The following RAD9B variants were observed in gnomAD, a reference collection of about 807,000 sequenced individuals.
The protein encoded by RAD9B is RAD9 checkpoint clamp component B, also known as cell cycle checkpoint control protein RAD9B.
RAD9B carries 41 observed loss-of-function variants against 48.3 expected under a neutral mutation model. The ratio of observed to expected loss-of-function variants is 0.85; its 90% CI spans 0.66 to 1.10. The LOEUF is 1.10. Among genes scored for constraint, RAD9B ranks in the 50% least tolerant of loss-of-function variants. The pLI is 0.00. For synonymous variants in RAD9B, 160 were observed against 157.9 expected (o/e 1.01, Z -0.10); for missense variants, 444 against 485.1 (o/e 0.92, Z 0.80).
At chr12:110,505,514 C>T (rs2063236817) in intron 2 of RAD9B, 103 bp from the exon 3 acceptor site, 1 of 974,352 alleles carries the variant, frequency 1.0e-6, no homozygotes, top group Non-Finnish European at 1.4e-6. Flanking sequence ...CTCCTGGCTT[C>T]CATCCATCCT....
rs796689606 is a variant in RAD9B at position 110,507,347 on chromosome 12, TTA to T, written c.388+663_388+664del. Among the ~76,000 whole-genome samples the T allele has an allele frequency of 6.6e-3, 961 of 145,180 alleles. 2 individuals are homozygous for T. The highest frequency in any genetic ancestry group is 9.4e-3 in the Non-Finnish European group (626 of 66,776). ...AGCTGCTTGATTATATATATGTATA[TTA>T]TATATATAATATGTATTATATATAA... On this transcript the variant is annotated intron_variant, in intron 4 of 10. Transcript: ENST00000409300.
In RAD9B at chr12:110,531,295, C is replaced by G; in HGVS notation, c.*642C>G. 1 of 463,214 alleles carries G rather than the reference C, an allele frequency of 2.2e-6. No homozygotes were observed. Among genetic ancestry groups the G allele is most frequent in the Non-Finnish European group, 3.3e-6 (1 of 304,856 alleles). 28.7% of individuals were successfully genotyped at this position (463,214 alleles called of 1,614,324 possible). Reference sequence around the variant, plus strand: ...GCAACATCTGCCTCCCAGGTCCAAGCGATTCTCCTGCCTCAGCCTCCCGTG... The same window carrying G: ...GCAACATCTGCCTCCCAGGTCCAAGGGATTCTCCTGCCTCAGCCTCCCGTG... On this transcript the variant is annotated 3_prime_UTR_variant, in exon 11 of 11. Coordinates refer to ENST00000409300, the MANE Select transcript of RAD9B (RefSeq NM_001286535.2).
rs904752084 is a variant in RAD9B at position 110,532,727 on chromosome 12, C to T, written c.*2074C>T. Among the ~76,000 whole-genome samples, 4 of 152,188 alleles carry T rather than the reference C, an allele frequency of 2.6e-5. No homozygotes were observed. The highest frequency in any genetic ancestry group is 9.7e-5 in the African/African-American group (4 of 41,448). ...TTTTGTCTTTCATACCATAGTTTTG[C>T]TGAAACATTTCTATGTTTAGATATA... On this transcript the variant is annotated 3_prime_UTR_variant, in exon 11 of 11. Transcript: ENST00000409300.
intron 1 of RAD9B, chr12:110,502,597 G>T: frequency 1.7e-6 from 1 of 581,644 alleles, no homozygotes; most frequent in South Asian, 2.0e-5. Context: ...TGTAATATGG[G>T]TGGTATCCGG....
chr12:110,503,925 T>TA (rs757706163), intron 2 of RAD9B, 49 bp downstream of exon 2: 1 of 1,133,670 alleles, frequency 8.8e-7, no homozygotes, highest in African/African-American at 1.6e-5. Flanking sequence ...AGGAGATGTT[T>TA]AAAGATCCCA....
At chr12:110,521,184 T>C (rs970552526) in intron 9 of RAD9B, among the ~76,000 whole-genome samples, 8 of 152,162 alleles carry the variant, frequency 5.3e-5, no homozygotes, top group African/African-American at 1.7e-4. Flanking sequence ...TGAGACAGGG[T>C]CTCACTCTGT....
Position 110,518,864 on chromosome 12 carries a change from C to T in RAD9B, c.703-10C>T, listed in dbSNP as rs538737360. On this transcript the variant is annotated splice_polypyrimidine_tract_variant and intron_variant, in intron 7 of 10. Transcript: ENST00000409300. ...GGATTTTAAGTTTTTTTCTTCTTTT[C>T]TTTTTTCAGGGAATACTGACATTTT... 1.9e-6 allele frequency: 3 copies of T among 1,576,092 alleles called. No individual in the cohort carries two copies. The highest frequency in any genetic ancestry group is 1.9e-5 in the Admixed American group (1 of 53,374).
At chr12:110,504,217 C>A (rs1273853217) in intron 2 of RAD9B, among the ~76,000 whole-genome samples, 1 of 151,432 alleles carries the variant, frequency 6.6e-6, no homozygotes, top group Admixed American at 6.6e-5. Context: ...GCCTGTAATC[C>A]CAGCACTTTG....
rs572147336 is a variant in RAD9B at position 110,511,207 on chromosome 12, A to G, written c.389-1572A>G. On this transcript the variant is annotated intron_variant, in intron 4 of 10. Transcript: ENST00000409300. ...AAAAAACTAAAAATAGAAGTACCACATGATCCAGCAATCCCACTACTGAGT... is the reference window on the plus strand; with the variant it reads ...AAAAAACTAAAAATAGAAGTACCACGTGATCCAGCAATCCCACTACTGAGT... 2.0e-5 allele frequency among the ~76,000 whole-genome samples: 3 copies of G among 152,282 alleles called. No homozygotes were observed. In the South Asian group the frequency reaches 6.2e-4, roughly 32 times the overall value.
At chr12:110,529,620 C>CT (rs2135741622) in intron 10 of RAD9B, among the ~76,000 whole-genome samples, 1 of 151,420 alleles carries the variant, frequency 6.6e-6, no homozygotes, top group African/African-American at 2.4e-5. Context: ...CATGGTTGTG[C>CT]ATACCTGTAG....
At chr12:110,512,124 C>T (rs1346628381) in intron 4 of RAD9B, among the ~76,000 whole-genome samples, 4 of 151,076 alleles carry the variant, frequency 2.6e-5, no homozygotes, top group Admixed American at 1.3e-4. Flanking sequence ...GGATTACATG[C>T]GTGAGCCACC....
In RAD9B at chr12:110,515,162, G is replaced by A. The variant is rs1244702368; in HGVS notation, c.595+6G>A. Reference sequence around the variant, plus strand: ...TTCTAATGAGGAATCAATGGGTAAAGATTGTATCTGAAATGGTGTTTTGAT... The same window carrying A: ...TTCTAATGAGGAATCAATGGGTAAAAATTGTATCTGAAATGGTGTTTTGAT... On this transcript the variant is annotated splice_donor_region_variant and intron_variant, in intron 6 of 10. Coordinates refer to ENST00000409300, the MANE Select transcript of RAD9B (RefSeq NM_001286535.2). The A allele has an allele frequency of 1.4e-6, 2 of 1,434,018 alleles. No individual in the cohort carries two copies. Among genetic ancestry groups the A allele is most frequent in the Admixed American group, 3.9e-5 (2 of 50,634 alleles). 88.8% of individuals were successfully genotyped at this position (1,434,018 alleles called of 1,614,324 possible).
chr12:110,512,935 G>T, intron 5 of RAD9B, 57 bp downstream of exon 5: 1 of 836,016 alleles, frequency 1.2e-6, no homozygotes, highest in East Asian at 2.6e-5. Flanking sequence ...ATCATGGAGT[G>T]AAGAATCAAT....
At chr12:110,517,781 C>CACACAT (rs1365530730) in intron 6 of RAD9B, among the ~76,000 whole-genome samples, 1 of 147,470 alleles carries the variant, frequency 6.8e-6, no homozygotes, top group Admixed American at 6.7e-5. Flanking sequence ...CACACACACA[C>CACACAT]ACACACACAA....
At chr12:110,523,221 A>G (rs766909261) in intron 10 of RAD9B, among the ~76,000 whole-genome samples, 6 of 152,226 alleles carry the variant, frequency 3.9e-5, no homozygotes, top group Middle Eastern at 6.8e-3. Context: ...AGATCTCTTG[A>G]GCTACGAGTT....
intron 4 of RAD9B, among the ~76,000 whole-genome samples, chr12:110,511,865 T>C (rs553991638): frequency 3.0e-4 from 46 of 152,230 alleles, no homozygotes; most frequent in African/African-American, 1.1e-3. Context: ...CTTTTTTTTT[T>C]GAGACAGAGT....
chr12:110,511,058 C>T (rs762683063), intron 4 of RAD9B, among the ~76,000 whole-genome samples: 1 of 152,064 alleles, frequency 6.6e-6, no homozygotes, highest in Non-Finnish European at 1.5e-5. Context: ...TGTCAAAAGT[C>T]CTGTTTAGAA....
rs910382127 is a variant in RAD9B, at chr12:110,531,892, C to A, written c.*1239C>A. On this transcript the variant is annotated 3_prime_UTR_variant, in exon 11 of 11. Transcript: ENST00000409300. ...TTACATCTTTCTGAAACCTTCAAAC[C>A]GTAAGGAAGTGTTAACTGGCAAGCA... 2.4e-6 allele frequency: 1 copy of A among 415,964 alleles called. No individual in the cohort carries two copies. Among genetic ancestry groups the A allele is most frequent in the Non-Finnish European group, 4.3e-6 (1 of 234,492 alleles). The allele number at this position is 415,964 out of a possible 1,614,324, so 25.8% of individuals were successfully genotyped here.
intron 4 of RAD9B, among the ~76,000 whole-genome samples, chr12:110,507,483 TATA>T (rs1432967874): frequency 1.6e-4 from 2 of 12,560 alleles, no homozygotes; most frequent in African/African-American, 3.5e-4. Context: ...ATGTATTAAA[TATA>T]ATACATAATA....
Sources: gnomAD v4.1 joint callset for allele counts (sites outside exome capture counted in the v4.1 genomes callset) on GRCh38, gnomAD v4.1.1 for gene constraint, MANE v1.5 for transcripts, NCBI Gene and HGNC (gene_info 2026-07-23, HGNC 2026-07-21) for gene names.